The following HNF4G variants were observed in gnomAD, a reference collection of about 807,000 sequenced individuals.
HNF4G encodes the protein hepatocyte nuclear factor 4 gamma.
Under a neutral mutation model 50.9 loss-of-function variants are expected in HNF4G, and 21 were observed. The ratio of observed to expected loss-of-function variants is 0.41; its 90% CI spans 0.29 to 0.59. The LOEUF is 0.59. Among genes scored for constraint, HNF4G ranks in the 20% least tolerant of loss-of-function variants. HNF4G has a pLI of 0.26. For missense variants in HNF4G, 527 were observed against 559.4 expected, an observed-to-expected ratio of 0.94 and a Z score of 0.58; for synonymous variants, 198 against 185.6, an observed-to-expected ratio of 1.07 and a Z score of -0.54.
At chr8:75,522,570 A>AT in intron 2 of HNF4G, among the ~76,000 whole-genome samples, 1 of 152,262 alleles carries the variant, frequency 6.6e-6, no homozygotes. Flanking sequence ...GACTTAGATC[A>AT]TTTTTTGTTG....
chr8:75,477,387 C>T (rs970631750), intron 1 of HNF4G, among the ~76,000 whole-genome samples: 1 of 152,016 alleles, frequency 6.6e-6, no homozygotes, highest in East Asian at 1.9e-4. Context: ...TCTATTGGAT[C>T]CTCTACATTT....
At chr8:75,429,719 G>A (rs908988860) in intron 1 of HNF4G, among the ~76,000 whole-genome samples, 1 of 152,130 alleles carries the variant, frequency 6.6e-6, no homozygotes, top group Non-Finnish European at 1.5e-5. Context: ...GGCCGATCAG[G>A]TCCAAAAGTC....
At chr8:75,436,130 T>A (rs1811130842) in intron 1 of HNF4G, among the ~76,000 whole-genome samples, 1 of 152,116 alleles carries the variant, frequency 6.6e-6, no homozygotes, top group Non-Finnish European at 1.5e-5. Flanking sequence ...AGGGAGAGAA[T>A]AAAATTGTAT....
chr8:75,419,565 T>C (rs1810731852), intron 1 of HNF4G, among the ~76,000 whole-genome samples: 1 of 152,332 alleles, frequency 6.6e-6, no homozygotes, highest in South Asian at 2.1e-4. Flanking sequence ...GCCTTTAAGA[T>C]ACAAAGGGCA....
intron 2 of HNF4G, 53 bp from the exon 3 acceptor site, chr8:75,547,534 G>T: frequency 8.1e-7 from 1 of 1,231,390 alleles, no homozygotes; most frequent in East Asian, 2.3e-5. Context: ...CTGTTTATTT[G>T]CTTCTTTTGT....
intron 2 of HNF4G, among the ~76,000 whole-genome samples, chr8:75,545,475 G>C (rs1329310815): frequency 4.6e-5 from 7 of 151,982 alleles, no homozygotes; most frequent in Non-Finnish European, 7.4e-5. Context: ...TGCCAACCTA[G>C]CTTTCTTTAC....
At chr8:75,418,302 C>G (rs186353310) in intron 1 of HNF4G, among the ~76,000 whole-genome samples, 154 of 152,214 alleles carry the variant, frequency 1.0e-3, no homozygotes, top group African/African-American at 3.6e-3. Context: ...TTATTTCTTT[C>G]TGAGGTACTA....
chr8:75,518,606 C>A (rs1805956735), intron 2 of HNF4G, among the ~76,000 whole-genome samples: 1 of 152,168 alleles, frequency 6.6e-6, no homozygotes, highest in Non-Finnish European at 1.5e-5. Context: ...CTGTAAGCTG[C>A]CAAAGTTTGG....
chr8:75,422,214 T>C (rs932061150), intron 1 of HNF4G, among the ~76,000 whole-genome samples: 3 of 152,222 alleles, frequency 2.0e-5, no homozygotes, highest in Admixed American at 6.5e-5. Context: ...GATGACAGAC[T>C]ATTAGTGAAA....
At chr8:75,527,354 C>A (rs1302676237) in intron 2 of HNF4G, among the ~76,000 whole-genome samples, 6 of 152,076 alleles carry the variant, frequency 3.9e-5, no homozygotes, top group Admixed American at 6.5e-5. Flanking sequence ...GAAACACACA[C>A]AAAAGGAAGG....
chr8:75,490,780 G>T (rs923444017), intron 2 of HNF4G, among the ~76,000 whole-genome samples: 5 of 151,996 alleles, frequency 3.3e-5, no homozygotes, highest in Admixed American at 2.0e-4. Context: ...AATATTTTTT[G>T]TCCAGTAAAC....
chr8:75,411,937 C>T (rs1810513626), intron 1 of HNF4G, among the ~76,000 whole-genome samples: 1 of 152,172 alleles, frequency 6.6e-6, no homozygotes, highest in African/African-American at 2.4e-5. Flanking sequence ...GTGCCTGGCA[C>T]ATTGAGTACC....
intron 3 of HNF4G, among the ~76,000 whole-genome samples, chr8:75,550,314 T>C (rs1045536425): frequency 3.3e-5 from 5 of 152,174 alleles, no homozygotes; most frequent in East Asian, 3.9e-4. Flanking sequence ...CTCTCTCTTT[T>C]TTTTTAATTT....
Position 75,553,192 on chromosome 8 carries a change from G to A in HNF4G, c.640G>A (p.Asp214Asn). ...IPAFCELPLD[D>N]QVALLRAHAG... ...TGCCTTCTGTGAATTACCATTGGAT[G>A]ATCAGGTACACATTTAAAACTTTAT... The change falls in exon 5 of 10, where the codon GAT (aspartate) becomes AAT (asparagine). Residue 214 changes from aspartate (D) to asparagine (N), a missense_variant. Asp to Asn is a conservative substitution (Grantham distance 23). Transcript: ENST00000396423. 6.2e-7 allele frequency: 1 copy of A among 1,611,098 alleles called. No homozygotes were observed. Among genetic ancestry groups the A allele is most frequent in the East Asian group, 2.2e-5 (1 of 44,758 alleles).
intron 1 of HNF4G, among the ~76,000 whole-genome samples, chr8:75,484,297 T>G (rs1563524413): frequency 6.6e-6 from 1 of 152,128 alleles, no homozygotes; most frequent in African/African-American, 2.4e-5. Flanking sequence ...ATGTTTTCAG[T>G]AAAATGGAAA....
intron 1 of HNF4G, among the ~76,000 whole-genome samples, chr8:75,487,155 T>C (rs1812517973): frequency 6.6e-6 from 1 of 152,214 alleles, no homozygotes; most frequent in Non-Finnish European, 1.5e-5. Context: ...TATATTCCAC[T>C]ATAACAGTAT....
At chr8:75,504,263 ACACACAC>A (rs1563532196) in intron 2 of HNF4G, among the ~76,000 whole-genome samples, 1,498 of 128,226 alleles carry the variant, frequency 0.012, 9 homozygotes, top group Admixed American at 0.016. Flanking sequence ...ACACACACAC[ACACACAC>A]ACACACCAAA....
At chr8:75,533,219 C>T (rs1358752435) in intron 2 of HNF4G, among the ~76,000 whole-genome samples, 2 of 151,882 alleles carry the variant, frequency 1.3e-5, no homozygotes, top group African/African-American at 2.4e-5. Flanking sequence ...GAACTGCAGA[C>T]AAAATAGTAA....
chr8:75,526,784 T>C (rs1390087436), intron 2 of HNF4G, among the ~76,000 whole-genome samples: 1 of 150,938 alleles, frequency 6.6e-6, no homozygotes, highest in Non-Finnish European at 1.5e-5. Flanking sequence ...TTTTTTTCTT[T>C]GAGATGGAGT....
Sources: gnomAD v4.1 joint callset for allele counts (sites outside exome capture counted in the v4.1 genomes callset) on GRCh38, gnomAD v4.1.1 for gene constraint, MANE v1.5 for transcripts, NCBI Gene and HGNC (gene_info 2026-07-23, HGNC 2026-07-21) for gene names.